The following RTN4 variants were observed in gnomAD, a reference collection of about 807,000 sequenced individuals.
RTN4 encodes the protein reticulon 4.
A neutral mutation model predicts 90.4 loss-of-function variants in RTN4; 32 were observed. That is an observed-to-expected ratio of 0.35 (90% confidence interval 0.27 to 0.48). The LOEUF is 0.48. Ranked by LOEUF, RTN4 falls within the 20% of genes least tolerant of loss-of-function variation. The pLI is 0.99. For synonymous variants in RTN4, 629 were observed against 552.5 expected (o/e 1.14, Z -1.94); for missense variants, 1,706 against 1,430.2 (o/e 1.19, Z -3.11).
intron 1 of RTN4, chr2:55,049,253 C>T: frequency 1.2e-6 from 1 of 832,518 alleles, no homozygotes; most frequent in African/African-American, 1.8e-5. Flanking sequence ...GAGGAGGGAG[C>T]CCGGGGCAGA....
rs1179450439 is a variant in RTN4 at position 55,026,113 on chromosome 2, G to A, written c.1986C>T (p.Ala662=). The part of the protein sequence containing the change: ...EPENPPPYEE[A]MSVSLKKVSG... Reference sequence around the variant, plus strand: ...ATACTTTTTTTAGTGATACACTCATGGCCTCTTCATATGGTGGGGGGTTTT... The same window carrying A: ...ATACTTTTTTTAGTGATACACTCATAGCCTCTTCATATGGTGGGGGGTTTT... The change falls in exon 3 of 9, where the codon GCC becomes GCT. Residue 662 remains alanine, a synonymous_variant. Transcript: ENST00000337526. 1 of 1,613,308 alleles carries A rather than the reference G, an allele frequency of 6.2e-7. No individual in the cohort carries two copies. Among genetic ancestry groups the A allele is most frequent in the Non-Finnish European group, 8.5e-7 (1 of 1,179,768 alleles).
At chr2:55,057,174 G>A (rs1186562554) in intron 2 of RTN4, among the ~76,000 whole-genome samples, 2 of 152,174 alleles carry the variant, frequency 1.3e-5, no homozygotes, top group Non-Finnish European at 2.9e-5. Context: ...TTACATACCT[G>A]AAACAACTAA....
chr2:55,035,891 T>A (rs1682644876), intron 1 of RTN4, among the ~76,000 whole-genome samples: 2 of 152,084 alleles, frequency 1.3e-5, no homozygotes, highest in South Asian at 2.1e-4. Context: ...TTATACCCAG[T>A]CATCAAAATG....
chr2:55,074,660 A>C lies in RTN4; in HGVS notation c.-63+5829T>G, dbSNP rs979562080. On this transcript the variant is annotated intron_variant, in intron 2 of 3. Coordinates refer to the RTN4 transcript ENST00000427710. ...CTGCAGACCAATATCCCTGATGAAC[A>C]TAGATACAAAAATCCTCAACAAAAT... Among the ~76,000 whole-genome samples, 3 of 152,228 alleles carry C rather than the reference A, an allele frequency of 2.0e-5. No individual in the cohort carries two copies. In the East Asian group the frequency reaches 5.8e-4, roughly 29 times the overall value.
At chr2:55,006,960 C>T (rs1015499776) in intron 3 of RTN4, among the ~76,000 whole-genome samples, 1 of 152,106 alleles carries the variant, frequency 6.6e-6, no homozygotes, top group African/African-American at 2.4e-5. Context: ...ACCTGCCTCA[C>T]TCTGCATTTG....
At chr2:55,018,867 G>C (rs1208665566) in intron 3 of RTN4, among the ~76,000 whole-genome samples, 1 of 152,066 alleles carries the variant, frequency 6.6e-6, no homozygotes, top group African/African-American at 2.4e-5. Context: ...TCTAGCTCTT[G>C]ATCTTTAATA....
upstream of RTN4, among the ~76,000 whole-genome samples, chr2:55,116,859 T>C (rs1478087017): frequency 7.0e-6 from 1 of 142,928 alleles, no homozygotes; most frequent in East Asian, 2.1e-4. Context: ...GCTGTTTCTT[T>C]TTCTTTCTTT....
chr2:55,001,511 A>G (rs1679850620), intron 3 of RTN4, among the ~76,000 whole-genome samples: 2 of 152,244 alleles, frequency 1.3e-5, no homozygotes, highest in African/African-American at 4.8e-5. Context: ...AGTAATCTTC[A>G]AAATTAATCC....
Position 55,025,155 on chromosome 2 carries a change from G to C in RTN4, c.2944C>G (p.Pro982Ala). ...CTGTCCTCTTTTTCTGTATCGGAAG[G>C]AAGTTTTTTCTCAGCTTCTTTCACA... The part of the protein sequence containing the change: ...VLVKEAEKKL[P>A]SDTEKEDRSP... The change falls in exon 3 of 9, where the codon CCT becomes GCT. Residue 982 changes from proline to alanine, a missense_variant. Coordinates refer to ENST00000337526, the MANE Select transcript of RTN4 (RefSeq NM_020532.5). 1 of 1,613,694 alleles carries C rather than the reference G, an allele frequency of 6.2e-7. No homozygotes were observed. The highest frequency in any genetic ancestry group is 8.5e-7 in the Non-Finnish European group (1 of 1,179,784).
intron 1 of RTN4, among the ~76,000 whole-genome samples, chr2:55,031,059 C>G (rs76797915): frequency 1.3e-5 from 2 of 152,200 alleles, no homozygotes; most frequent in South Asian, 2.1e-4. Context: ...ATTTCACATA[C>G]GAGAAAAGAG....
intron 3 of RTN4, among the ~76,000 whole-genome samples, chr2:55,013,344 T>C (rs992951783): frequency 6.6e-6 from 1 of 152,180 alleles, no homozygotes; most frequent in Admixed American, 6.5e-5. Context: ...CTCCCAAGCA[T>C]GACAAAAAAA....
intron 3 of RTN4, among the ~76,000 whole-genome samples, chr2:55,007,323 A>C (rs1461640808): frequency 6.6e-6 from 1 of 152,152 alleles, no homozygotes; most frequent in Admixed American, 6.6e-5. Context: ...TGGTGTGGCT[A>C]TAGGTTATTC....
At chr2:54,978,875 A>G (rs886725854) in intron 5 of RTN4, among the ~76,000 whole-genome samples, 38 of 152,204 alleles carry the variant, frequency 2.5e-4, no homozygotes, top group Admixed American at 2.4e-3. Flanking sequence ...AATCCGTTTA[A>G]ACAAGGTAAA....
At chr2:55,117,023 G>A (rs13409560), upstream of RTN4, among the ~76,000 whole-genome samples, 50,114 of 151,554 alleles carry the variant, frequency 0.33, 9,700 homozygotes, top group African/African-American at 0.54. Context: ...ACATGTGTTC[G>A]CCACCATGCC....
In RTN4 at chr2:54,988,332, G is replaced by T. The variant is rs72910882; in HGVS notation, c.3014-634C>A. 5.1e-3 allele frequency among the ~76,000 whole-genome samples: 778 copies of T among 152,010 alleles called. 4 individuals are homozygous for T. The highest frequency in any genetic ancestry group is 0.018 in the African/African-American group (754 of 41,468). On this transcript the variant is annotated intron_variant, in intron 3 of 8. Coordinates refer to ENST00000337526, the MANE Select transcript of RTN4 (RefSeq NM_020532.5). ...ACTCTGTCTCCAAAAAAATCATCTTGGGGTTTTTCATCTCATACAATGCAT... is the reference window on the plus strand; with the variant it reads ...ACTCTGTCTCCAAAAAAATCATCTTTGGGTTTTTCATCTCATACAATGCAT...
At position 55,026,434 on chromosome 2, in the gene RTN4, T is replaced by A. The variant is rs1209577150; in HGVS notation, c.1665A>T (p.Val555=). ...NMPEGLTPDL[V]QEACESELNE... ...TCAATTCACTTTCACATGCTTCCTG[T>A]ACTAAATCTGGAGTCAGGCCTTCAG... is the stretch of plus-strand genomic sequence containing the variant. The change falls in exon 3 of 9, where the codon GTA becomes GTT. Residue 555 remains valine (V), a synonymous_variant. Transcript: ENST00000337526. 6.2e-7 allele frequency: 1 copy of A among 1,613,910 alleles called. No homozygotes were observed. The highest frequency in any genetic ancestry group is 8.5e-7 in the Non-Finnish European group (1 of 1,179,890).
chr2:55,049,144 T>A, intron 1 of RTN4: 1 of 985,818 alleles, frequency 1.0e-6, no homozygotes, highest in Non-Finnish European at 1.2e-6. Context: ...TTCACTGCGG[T>A]TGGGTCAATG....
chr2:55,090,407 A>G (rs1339638002), intron 1 of RTN4, among the ~76,000 whole-genome samples: 1 of 152,176 alleles, frequency 6.6e-6, no homozygotes, highest in Non-Finnish European at 1.5e-5. Context: ...TGCACACTCA[A>G]TATCTTGACT....
intron 2 of RTN4, among the ~76,000 whole-genome samples, chr2:55,061,066 A>AT (rs36001702): frequency 0.49 from 69,303 of 140,470 alleles, 17,560 homozygotes; most frequent in African/African-American, 0.57. Context: ...AAAAATAAGA[A>AT]TTTTTTTTTT....
Sources: gnomAD v4.1 joint callset for allele counts (sites outside exome capture counted in the v4.1 genomes callset) on GRCh38, gnomAD v4.1.1 for gene constraint, MANE v1.5 for transcripts, NCBI Gene and HGNC (gene_info 2026-07-23, HGNC 2026-07-21) for gene names.